KIAA0930: variants seen among roughly 807,000 people sequenced by gnomAD.
The protein encoded by KIAA0930 is KIAA0930, also known as uncharacterized protein KIAA0930.
In KIAA0930, 24 loss-of-function variants were observed where a neutral mutation model predicts 43.9. The observed-to-expected ratio is 0.55, with a 90% CI of 0.40 to 0.77. The LOEUF (loss-of-function observed/expected upper bound fraction) is 0.77, where lower values mean the gene tolerates loss of function less well. Ranked by LOEUF, KIAA0930 falls within the 30% of genes least tolerant of loss-of-function variation. The pLI is 0.00. For synonymous variants in KIAA0930, 259 were observed against 216.4 expected (o/e 1.20, Z -1.73); for missense variants, 461 against 574.2 (o/e 0.80, Z 2.02).
intron 5 of KIAA0930, among the ~76,000 whole-genome samples, chr22:45,204,937 C>T (rs980852226): frequency 6.6e-6 from 1 of 152,176 alleles, no homozygotes; most frequent in African/African-American, 2.4e-5. Flanking sequence ...ATGAGGCGTC[C>T]TCCCACTCAG....
chr22:45,238,857 T>C (rs11090735), intron 1 of KIAA0930, among the ~76,000 whole-genome samples: 31,937 of 150,564 alleles, frequency 0.21, 3,482 homozygotes, highest in South Asian at 0.32. Flanking sequence ...TGCTTCCTCA[T>C]TGGTTGTCCC....
intron 9 of KIAA0930, 141 bp from the exon 10 acceptor site, chr22:45,197,357 A>G: frequency 1.4e-6 from 1 of 714,366 alleles, no homozygotes. Context: ...ACTGCAGAGG[A>G]GACGTGTCTC....
chr22:45,236,285 C>G (rs2083888009), intron 1 of KIAA0930: 1 of 152,394 alleles, frequency 6.6e-6, no homozygotes, highest in African/African-American at 2.4e-5. Context: ...ACTGATGGCC[C>G]CTCCCGTGCA....
chr22:45,213,446 G>T, intron 1 of KIAA0930: 1 of 1,273,562 alleles, frequency 7.9e-7, no homozygotes. Flanking sequence ...AGGGCCAGGA[G>T]AGCCCACGGG....
Position 45,198,132 on chromosome 22 carries a change from C to T in KIAA0930, c.1016-184G>A, listed in dbSNP as rs1368484950. The T allele has an allele frequency of 6.0e-5, 36 of 598,410 alleles. No homozygotes were observed. The South Asian group carries it at 7.0e-4, about 12-fold the overall frequency. The allele number at this position is 598,410 out of a possible 1,614,324, so 37.1% of individuals were successfully genotyped here. On this transcript the variant is annotated intron_variant, in intron 8 of 9. Coordinates refer to ENST00000336156, the MANE Select transcript of KIAA0930 (RefSeq NM_001009880.2). ...GCCTCCTCGCCTGTAACACCCCTCC[C>T]TGCTTCCTCTGGCCCAGACCCAGGC...
chr22:45,203,052 C>T lies in KIAA0930; in HGVS notation c.790G>A (p.Gly264Ser), dbSNP rs1472661768. 6.2e-7 allele frequency: 1 copy of T among 1,613,802 alleles called. No homozygotes were observed. Among genetic ancestry groups the T allele is most frequent in the Non-Finnish European group, 8.5e-7 (1 of 1,179,902 alleles). ...TCAGTCCCACAGGGGGATGTGTCACCTGTAGACACTCGGCTGACCGCCATC... is the reference window on the plus strand; with the variant it reads ...TCAGTCCCACAGGGGGATGTGTCACTTGTAGACACTCGGCTGACCGCCATC... ...AEMAVSRVSTGDTSPCGTEED... is the reference protein window; with the variant it reads ...AEMAVSRVSTSDTSPCGTEED... Residue 264 changes from glycine (G) to serine (S), a missense_variant, in exon 7 of 10, where the codon GGT becomes AGT. Physicochemically the swap from Gly to Ser is moderately conservative, Grantham distance 56. Transcript: ENST00000336156.
intron 1 of KIAA0930, among the ~76,000 whole-genome samples, chr22:45,230,015 G>A (rs1232839873): frequency 2.6e-5 from 4 of 152,222 alleles, no homozygotes; most frequent in Non-Finnish European, 4.4e-5. Context: ...AGAATCACTC[G>A]AACCCAGGGG....
chr22:45,209,613 C>G (rs995477685), intron 2 of KIAA0930, among the ~76,000 whole-genome samples: 8 of 152,298 alleles, frequency 5.3e-5, no homozygotes, highest in African/African-American at 1.7e-4. Flanking sequence ...GCACTCCCCC[C>G]ACCACCGCCG....
At chr22:45,204,292 GC>G (rs1266094179) in intron 5 of KIAA0930, among the ~76,000 whole-genome samples, 2 of 152,146 alleles carry the variant, frequency 1.3e-5, no homozygotes, top group Non-Finnish European at 2.9e-5. Context: ...CCTCCACACC[GC>G]CTAGGGGTGC....
At position 45,192,582 on chromosome 22, in the gene KIAA0930, C is replaced by T. The variant is rs1048194347; in HGVS notation, c.*4594G>A. Reference sequence around the variant, plus strand: ...GGAAACCATAAAAGATACCTATTTACACCTAAACTGCCTGGCCTTCCAGAG... The same window carrying T: ...GGAAACCATAAAAGATACCTATTTATACCTAAACTGCCTGGCCTTCCAGAG... On this transcript the variant is annotated 3_prime_UTR_variant, in exon 10 of 10. Transcript: ENST00000336156. 2 of 152,230 alleles carry T rather than the reference C, an allele frequency of 1.3e-5. No individual in the cohort carries two copies. Among genetic ancestry groups the T allele is most frequent in the African/African-American group, 2.4e-5 (1 of 41,462 alleles). 9.4% of individuals were successfully genotyped at this position (152,230 alleles called of 1,614,324 possible). A position where few individuals can be genotyped will look rare whatever the true frequency, so the allele number is the denominator to read the frequency against.
chr22:45,234,501 T>A (rs1359767010), intron 1 of KIAA0930, among the ~76,000 whole-genome samples: 1 of 152,162 alleles, frequency 6.6e-6, no homozygotes, highest in Non-Finnish European at 1.5e-5. Context: ...TCCTTCCTAG[T>A]CCACACAAGC....
Position 45,217,360 on chromosome 22 carries a change from CAAAAAAAAAAAAAAA to C in KIAA0930, c.65-5268_65-5254del, listed in dbSNP as rs58492110. 2.4e-3 allele frequency among the ~76,000 whole-genome samples: 167 copies of C among 68,746 alleles called. 2 individuals are homozygous for C. The highest frequency in any genetic ancestry group is 9.5e-3 in the African/African-American group (159 of 16,768). The allele number at this position is 68,746 out of a possible 152,430, so 45.1% of individuals were successfully genotyped here. A position where few individuals can be genotyped will look rare whatever the true frequency, so the allele number is the denominator to read the frequency against. Reference sequence around the variant, plus strand: ...TGGGAGACAGAGCAAGACCCCGTCTCAAAAAAAAAAAAAAAAAAAAAAAAAAAAGACACCATATTT... The same window carrying C: ...TGGGAGACAGAGCAAGACCCCGTCTCAAAAAAAAAAAAAGACACCATATTT... On this transcript the variant is annotated intron_variant, in intron 1 of 9. Coordinates refer to ENST00000336156, the MANE Select transcript of KIAA0930 (RefSeq NM_001009880.2).
rs2083624140 is a variant in KIAA0930 at position 45,205,082 on chromosome 22, A to G, written c.516+135T>C. The G allele has an allele frequency of 6.9e-5, 48 of 691,328 alleles. 1 individual carries two copies. In the South Asian group the frequency reaches 7.7e-4, roughly 11 times the overall value. The allele number at this position is 691,328 out of a possible 1,614,324, so 42.8% of individuals were successfully genotyped here. A position where few individuals can be genotyped will look rare whatever the true frequency, so the allele number is the denominator to read the frequency against. ...AAACACTGGGAAGAGAGAGAGCCAC[A>G]TCTGCCTCAGCCGGACTCTTCCCGG... On this transcript the variant is annotated intron_variant, in intron 5 of 9. Transcript: ENST00000336156.
chr22:45,209,126 CT>C (rs780320542), intron 2 of KIAA0930, among the ~76,000 whole-genome samples: 16 of 152,142 alleles, frequency 1.1e-4, no homozygotes, highest in Non-Finnish European at 5.9e-5. Flanking sequence ...TCCTGTCCCC[CT>C]GACACTGCAG....
chr22:45,235,512 A>C (rs5766576), intron 1 of KIAA0930: 58,627 of 152,118 alleles, frequency 0.39, 12,611 homozygotes, highest in South Asian at 0.5. Context: ...GCGCTGGCCC[A>C]CAACTAGCTC....
intron 7 of KIAA0930, 66 bp downstream of exon 7, chr22:45,202,924 C>A: frequency 7.2e-7 from 1 of 1,382,036 alleles, no homozygotes; most frequent in Non-Finnish European, 9.9e-7. Context: ...GCCGTGAGCA[C>A]GGGGGAGACG....
At chr22:45,206,109 G>C (rs1009356971) in intron 2 of KIAA0930, among the ~76,000 whole-genome samples, 197 bp from the exon 3 acceptor site, 1 of 152,170 alleles carries the variant, frequency 6.6e-6, no homozygotes, top group Non-Finnish European at 1.5e-5. Context: ...TCAACCTCCT[G>C]GGCTCAAATG....
At position 45,195,416 on chromosome 22, in the gene KIAA0930, C is replaced by CA. The variant is rs1230252259; in HGVS notation, c.*1759dup. On this transcript the variant is annotated 3_prime_UTR_variant, in exon 10 of 10. Coordinates refer to ENST00000336156, the MANE Select transcript of KIAA0930 (RefSeq NM_001009880.2). ...TGGGTGTATTTTAGCCACATGGACT[C>CA]AAACTTGGAAGCAGCATTTGGCATC... 11 of 152,362 alleles carry CA rather than the reference C, an allele frequency of 7.2e-5. No individual in the cohort carries two copies. Among genetic ancestry groups the CA allele is most frequent in the African/African-American group, 2.6e-4 (11 of 41,574 alleles). 9.4% of individuals were successfully genotyped at this position (152,362 alleles called of 1,614,324 possible). A position where few individuals can be genotyped will look rare whatever the true frequency, so the allele number is the denominator to read the frequency against.
rs1329475988 is a variant in KIAA0930 at position 45,193,314 on chromosome 22, T to C, written c.*3862A>G. The C allele has an allele frequency of 6.6e-6, 1 of 152,214 alleles. No homozygotes were observed. Among genetic ancestry groups the C allele is most frequent in the African/African-American group, 2.4e-5 (1 of 41,450 alleles). The allele number at this position is 152,214 out of a possible 1,614,324, so 9.4% of individuals were successfully genotyped here. On this transcript the variant is annotated 3_prime_UTR_variant, in exon 10 of 10. Transcript: ENST00000336156. ...CTAAAAAGTTGGCAGATGTTTCGTATGTCTTTAAAGGATTTTGGCCAACAA... is the reference window on the plus strand; with the variant it reads ...CTAAAAAGTTGGCAGATGTTTCGTACGTCTTTAAAGGATTTTGGCCAACAA...
Sources: allele counts gnomAD v4.1 joint callset (sites outside exome capture counted in the v4.1 genomes callset), GRCh38; gene constraint gnomAD v4.1.1; transcripts MANE v1.5; gene names NCBI Gene and HGNC (gene_info 2026-07-23, HGNC 2026-07-21).